Variants in DIS3 observed in about 807,000 individuals in gnomAD.
DIS3 encodes the protein DIS3 exosome endoribonuclease and 3'-5' exoribonuclease.
A neutral mutation model predicts 113.0 loss-of-function variants in DIS3; 103 were observed. The ratio of observed to expected loss-of-function variants is 0.91; its 90% CI spans 0.78 to 1.07. DIS3 has a LOEUF of 1.07. Ranked by LOEUF, DIS3 falls within the 50% of genes least tolerant of loss-of-function variation. DIS3 has a pLI of 0.00. For missense variants in DIS3, 1,121 were observed against 1,167.1 expected, an observed-to-expected ratio of 0.96 and a Z score of 0.58; for synonymous variants, 402 against 394.3, an observed-to-expected ratio of 1.02 and a Z score of -0.23.
intron 2 of DIS3, among the ~76,000 whole-genome samples, chr13:72,779,552 C>A (rs2034103370): frequency 6.6e-6 from 1 of 152,126 alleles, no homozygotes; most frequent in Non-Finnish European, 1.5e-5. Context: ...CAATAAGAAG[C>A]CTACAAGGGC....
Position 72,781,825 on chromosome 13 carries a change from T to A in DIS3, c.8A>T (p.Lys3Met). 6.3e-7 allele frequency: 1 copy of A among 1,585,844 alleles called. No homozygotes were observed. Among genetic ancestry groups the A allele is most frequent in the Non-Finnish European group, 8.6e-7 (1 of 1,163,518 alleles). ML[K>M]SKTFLKKTRA... ...GGTCTTTTTTAAGAACGTCTTGGAC[T>A]TGAGCATCTTGCCTCGCCGCGCAGA... Residue 3 changes from lysine to methionine, a missense_variant, in exon 1 of 21, where the codon AAG (lysine) becomes ATG (methionine). Lys to Met is a moderately conservative substitution (Grantham distance 95). Around this residue, in one of 3 missense-constraint regions of DIS3, gnomAD observed 254 missense variants for 232.2 expected, o/e 1.09. Coordinates refer to ENST00000377767, the MANE Select transcript of DIS3 (RefSeq NM_014953.5).
intron 13 of DIS3, among the ~76,000 whole-genome samples, chr13:72,769,222 T>C (rs1427607129): frequency 6.6e-6 from 1 of 152,162 alleles, no homozygotes; most frequent in Non-Finnish European, 1.5e-5. Flanking sequence ...AATGCTAAAA[T>C]AAAACACAAA....
Position 72,756,698 on chromosome 13 carries a change from G to A in DIS3, c.*3097C>T, listed in dbSNP as rs2033484098. The A allele has an allele frequency of 6.6e-6, 1 of 152,168 alleles. No homozygotes were observed. The highest frequency in any genetic ancestry group is 1.5e-5 in the Non-Finnish European group (1 of 68,068). 9.4% of individuals were successfully genotyped at this position (152,168 alleles called of 1,614,324 possible). A position where few individuals can be genotyped will look rare whatever the true frequency, so the allele number is the denominator to read the frequency against. Reference sequence around the variant, plus strand: ...CTGTGATAGTGAGCCGGTCTCATGAGATCTGAAGGTTTTATAAGCGTCTGG... The same window carrying A: ...CTGTGATAGTGAGCCGGTCTCATGAAATCTGAAGGTTTTATAAGCGTCTGG... On this transcript the variant is annotated 3_prime_UTR_variant, in exon 21 of 21. Transcript: ENST00000377767.
Position 72,753,568 on chromosome 13 carries a change from G to A in DIS3, c.*6227C>T, listed in dbSNP as rs367900214. 2.9e-4 allele frequency: 296 copies of A among 1,029,542 alleles called. No homozygotes were observed. The African/African-American group carries it at 4.1e-3, about 14-fold the overall frequency. 63.8% of individuals were successfully genotyped at this position (1,029,542 alleles called of 1,614,324 possible). On this transcript the variant is annotated 3_prime_UTR_variant, in exon 21 of 21. Transcript: ENST00000377767. ...ATTACTTTTGAATTTTGTTCAACAT[G>A]ATCAATATTACATGTTAGGATCATT...
intron 14 of DIS3, among the ~76,000 whole-genome samples, chr13:72,767,908 C>T (rs369640495): frequency 3.9e-5 from 6 of 152,138 alleles, no homozygotes; most frequent in African/African-American, 1.2e-4. Flanking sequence ...TAGTCAACAA[C>T]GTCTTTTAAG....
At position 72,772,419 on chromosome 13, in the gene DIS3, A is replaced by G. The variant is rs2033907803; in HGVS notation, c.1387-144T>C. On this transcript the variant is annotated intron_variant, in intron 9 of 20. Coordinates refer to ENST00000377767, the MANE Select transcript of DIS3 (RefSeq NM_014953.5). Reference sequence around the variant, plus strand: ...TGACAACCACATTTCTTTTTCCTGCACTGGAGCAGAGAGACACCACGTATG... The same window carrying G: ...TGACAACCACATTTCTTTTTCCTGCGCTGGAGCAGAGAGACACCACGTATG... 3 of 719,346 alleles carry G rather than the reference A, an allele frequency of 4.2e-6. No individual in the cohort carries two copies. In the South Asian group the frequency reaches 6.0e-5, roughly 14 times the overall value. 44.6% of individuals were successfully genotyped at this position (719,346 alleles called of 1,614,324 possible).
At chr13:72,775,041 A>G (rs1181435855) in intron 6 of DIS3, among the ~76,000 whole-genome samples, 170 bp downstream of exon 6, 1 of 152,200 alleles carries the variant, frequency 6.6e-6, no homozygotes, top group East Asian at 1.9e-4. Flanking sequence ...TTAAGACAAT[A>G]AAAGAAAACT....
intron 3 of DIS3, 129 bp downstream of exon 3, chr13:72,778,058 A>G (rs746686452): frequency 8.1e-6 from 7 of 869,144 alleles, no homozygotes; most frequent in Non-Finnish European, 1.1e-5. Flanking sequence ...AAAATACAAA[A>G]ATATCACATG....
At position 72,754,438 on chromosome 13, in the gene DIS3, T is replaced by TTC. The variant is rs1380034436; in HGVS notation, c.*5356_*5357insGA. On this transcript the variant is annotated 3_prime_UTR_variant, in exon 21 of 21. Coordinates refer to ENST00000377767, the MANE Select transcript of DIS3 (RefSeq NM_014953.5). ...AATCCTCCTGCCTCACCCTCCTGAGTAGCTAGAACTACAGGTGTGAACCAC... is the reference window on the plus strand; with the variant it reads ...AATCCTCCTGCCTCACCCTCCTGAGTTCAGCTAGAACTACAGGTGTGAACCAC... 2 of 152,310 alleles carry TTC rather than the reference T, an allele frequency of 1.3e-5. No individual in the cohort carries two copies. Among genetic ancestry groups the TTC allele is most frequent in the Non-Finnish European group, 2.9e-5 (2 of 68,336 alleles). 9.4% of individuals were successfully genotyped at this position (152,310 alleles called of 1,614,324 possible). A position where few individuals can be genotyped will look rare whatever the true frequency, so the allele number is the denominator to read the frequency against.
Position 72,763,492 on chromosome 13 carries a change from G to A in DIS3, c.2086C>T (p.Pro696Ser), listed in dbSNP as rs1490007571. 6.2e-7 allele frequency: 1 copy of A among 1,613,546 alleles called. No individual in the cohort carries two copies. ...ALLRKHPAPPPSNYEILVKAA... is the reference protein window; with the variant it reads ...ALLRKHPAPPSSNYEILVKAA... ...TTAACAAGAATTTCATAATTTGATG[G>A]AGGTGGAGCAGGATGTTTTCGAAGC... is the stretch of plus-strand genomic sequence containing the variant. Residue 696 changes from proline (P) to serine (S), a missense_variant, in exon 16 of 21, where the codon CCA becomes TCA. Physicochemically the swap from Pro to Ser is moderately conservative, Grantham distance 74. This residue lies in a region of DIS3 where 861 missense variants were observed against 915.5 expected (regional missense o/e 0.94). Coordinates refer to ENST00000377767, the MANE Select transcript of DIS3 (RefSeq NM_014953.5).
At position 72,768,864 on chromosome 13, in the gene DIS3, T is replaced by C. The variant is rs748226680; in HGVS notation, c.1804A>G (p.Met602Val). 32 of 1,606,394 alleles carry C rather than the reference T, an allele frequency of 2.0e-5. No individual in the cohort carries two copies. The highest frequency in any genetic ancestry group is 8.3e-5 in the Admixed American group (5 of 59,968). Residue 602 changes from methionine to valine, a missense_variant, in exon 14 of 21, where the codon ATG becomes GTG. By Grantham distance (21) the Met-to-Val change is conservative (BLOSUM62 1). Around this residue, in one of 3 missense-constraint regions of DIS3, gnomAD observed 861 missense variants for 915.5 expected, o/e 0.94. Coordinates refer to ENST00000377767, the MANE Select transcript of DIS3 (RefSeq NM_014953.5). ...EAQLRIDSAN[M>V]NDDITTSLRG... The stretch of plus-strand genomic sequence containing the variant: ...AGACTAGTGGTAATATCATCATTCA[T>C]GTTTGCTGAATCAATTCTCAACTGA...
chr13:72,761,986 T>A lies in DIS3; in HGVS notation c.2279A>T (p.Asn760Ile). The A allele has an allele frequency of 6.2e-7, 1 of 1,614,162 alleles. No homozygotes were observed. Among genetic ancestry groups the A allele is most frequent in the Non-Finnish European group, 8.5e-7 (1 of 1,180,024 alleles). The change falls in exon 17 of 21, where the codon AAT (asparagine) becomes ATT (isoleucine). Residue 760 changes from asparagine (N) to isoleucine (I), a missense_variant. Physicochemically the swap from Asn to Ile is moderately radical, Grantham distance 149. Around this residue, in one of 3 missense-constraint regions of DIS3, gnomAD observed 861 missense variants for 915.5 expected, o/e 0.94. Transcript: ENST00000377767. Reference protein sequence around the residue: ...QAVYFCSGMDNDFHHYGLASP... With the variant: ...QAVYFCSGMDIDFHHYGLASP... ...CGCTAAGCCATAGTGATGAAAATCA[T>A]TATCCATTCCAGAACAGAAGTACAC...
chr13:72,753,903 TTG>T lies in DIS3; in HGVS notation c.*5890_*5891del, dbSNP rs2033356087. 8 of 1,292,916 alleles carry T rather than the reference TTG, an allele frequency of 6.2e-6. No individual in the cohort carries two copies. Among genetic ancestry groups the T allele is most frequent in the Non-Finnish European group, 8.5e-6 (8 of 942,454 alleles). The allele number at this position is 1,292,916 out of a possible 1,614,324, so 80.1% of individuals were successfully genotyped here. A position where few individuals can be genotyped will look rare whatever the true frequency, so the allele number is the denominator to read the frequency against. On this transcript the variant is annotated 3_prime_UTR_variant, in exon 21 of 21. Transcript: ENST00000377767. ...TTTTGATTATTAGACAATAGTACTA[TTG>T]AGAAACTATATGAAATTTAAAACAC... is the stretch of plus-strand genomic sequence containing the variant.
chr13:72,768,634 A>G (rs2033810235), intron 14 of DIS3, 151 bp downstream of exon 14: 5 of 517,478 alleles, frequency 9.7e-6, no homozygotes, highest in Non-Finnish European at 1.5e-5. Context: ...ACAGAGTAAA[A>G]CTCCGTTTCA....
intron 15 of DIS3, among the ~76,000 whole-genome samples, chr13:72,764,170 T>C (rs1420410688): frequency 4.0e-5 from 6 of 151,718 alleles, no homozygotes; most frequent in Non-Finnish European, 7.4e-5. Context: ...ACAACAAAAT[T>C]GCACTCAAAA....
Position 72,781,863 on chromosome 13 carries a change from G to A in DIS3, c.-31C>T. The A allele has an allele frequency of 8.6e-6, 13 of 1,509,624 alleles. No homozygotes were observed. The highest frequency in any genetic ancestry group is 2.2e-5 in the Admixed American group (1 of 46,408). The allele number at this position is 1,509,624 out of a possible 1,614,324, so 93.5% of individuals were successfully genotyped here. ...CTCGCCGCGCAGAATCCTAACCCCAGCAGCGCTCTTCCAGCAAAAGGCGTC... is the reference window on the plus strand; with the variant it reads ...CTCGCCGCGCAGAATCCTAACCCCAACAGCGCTCTTCCAGCAAAAGGCGTC... On this transcript the variant is annotated 5_prime_UTR_variant, in exon 1 of 21. Coordinates refer to ENST00000377767, the MANE Select transcript of DIS3 (RefSeq NM_014953.5).
At chr13:72,765,821 T>C in intron 15 of DIS3, 151 bp downstream of exon 15, 1 of 527,810 alleles carries the variant, frequency 1.9e-6, no homozygotes, top group Non-Finnish European at 3.0e-6. Flanking sequence ...AGCTTAAATT[T>C]ACTTTTCTGT....
Position 72,761,974 on chromosome 13 carries a change from T to A in DIS3, c.2291A>T (p.His764Leu), listed in dbSNP as rs1298542099. The part of the protein sequence containing the change: ...FCSGMDNDFH[H>L]YGLASPIYTH... ...GTATATTGGAGACGCTAAGCCATAG[T>A]GATGAAAATCATTATCCATTCCAGA... The change falls in exon 17 of 21, where the codon CAC becomes CTC. Residue 764 changes from histidine (H) to leucine (L), a missense_variant. Coordinates refer to ENST00000377767, the MANE Select transcript of DIS3 (RefSeq NM_014953.5). 6.2e-7 allele frequency: 1 copy of A among 1,614,066 alleles called. No homozygotes were observed. Among genetic ancestry groups the A allele is most frequent in the African/African-American group, 1.3e-5 (1 of 74,934 alleles).
At chr13:72,776,348 T>C (rs1385902287) in intron 4 of DIS3, among the ~76,000 whole-genome samples, 1 of 152,106 alleles carries the variant, frequency 6.6e-6, no homozygotes, top group Admixed American at 6.5e-5. Flanking sequence ...GAAAGACAGA[T>C]AGTACCACCA....
Sources: gnomAD v4.1 joint callset for allele counts (sites outside exome capture counted in the v4.1 genomes callset) on GRCh38, gnomAD v4.1.1 for gene constraint, gnomAD v4.1.1 regional missense constraint, MANE v1.5 for transcripts, NCBI Gene and HGNC (gene_info 2026-07-23, HGNC 2026-07-21) for gene names.